Variants in SCP2 observed in about 807,000 individuals in gnomAD.
SCP2 encodes the protein sterol carrier protein 2.
In SCP2, 48 loss-of-function variants were observed where a neutral mutation model predicts 71.4. The observed-to-expected ratio is 0.67, with a 90% CI of 0.53 to 0.86. SCP2 has a LOEUF of 0.86. Among genes scored for constraint, SCP2 ranks in the 40% least tolerant of loss-of-function variants. The pLI, the probability that SCP2 is intolerant of heterozygous loss-of-function variation, is 0.00. For missense variants in SCP2, 560 were observed against 655.6 expected, an observed-to-expected ratio of 0.85 and a Z score of 1.59; for synonymous variants, 220 against 218.1, an observed-to-expected ratio of 1.01 and a Z score of -0.08.
At chr1:53,015,769 G>A (rs1661295648) in intron 12 of SCP2, among the ~76,000 whole-genome samples, 1 of 152,180 alleles carries the variant, frequency 6.6e-6, no homozygotes, top group South Asian at 2.1e-4. Flanking sequence ...TTCATGATGA[G>A]CCTTTTATGT....
At chr1:52,996,845 C>T (rs1259633717) in intron 11 of SCP2, among the ~76,000 whole-genome samples, 1 of 152,196 alleles carries the variant, frequency 6.6e-6, no homozygotes, top group Non-Finnish European at 1.5e-5. Flanking sequence ...TTGAGTCATT[C>T]CCCAGAGGGA....
At chr1:53,047,828 C>CT (rs1239170508) in intron 14 of SCP2, 30 bp from the exon 15 acceptor site, 3 of 1,491,452 alleles carry the variant, frequency 2.0e-6, no homozygotes, top group Non-Finnish European at 2.8e-6. Flanking sequence ...ACCTCCTATT[C>CT]TCCTTCCTTC....
At chr1:52,988,166 TA>T (rs762628353) in intron 11 of SCP2, 30 bp downstream of exon 11, 4 of 1,125,012 alleles carry the variant, frequency 3.6e-6, no homozygotes, top group African/African-American at 1.5e-5. Flanking sequence ...TCATACATTT[TA>T]AAATCATTTT....
chr1:52,983,187 C>T lies in SCP2; in HGVS notation c.973+2644C>T, dbSNP rs12063834. Among the ~76,000 whole-genome samples the T allele has an allele frequency of 5.9e-5, 9 of 152,270 alleles. No homozygotes were observed. In the South Asian group the frequency reaches 8.3e-4, roughly 14 times the overall value. On this transcript the variant is annotated intron_variant, in intron 10 of 15. Coordinates refer to ENST00000371514, the MANE Select transcript of SCP2 (RefSeq NM_002979.5). The stretch of plus-strand genomic sequence containing the variant: ...GTCTTCTGACCGCCATAGTTTCTAA[C>T]GAGGAGTCATGGTCATTCAAATTGT...
In SCP2 at chr1:53,021,532, C is replaced by T. The variant is rs1422604847; in HGVS notation, c.1236-6437C>T. ...GATGGGGTTTCCCATGTTGGCCAGG[C>T]TAGTCTTGAACTCCTGACCTCAAGT... is the stretch of plus-strand genomic sequence containing the variant. On this transcript the variant is annotated intron_variant, in intron 12 of 15. Transcript: ENST00000371514. Among the ~76,000 whole-genome samples, 5 of 149,238 alleles carry T rather than the reference C, an allele frequency of 3.4e-5. No individual in the cohort carries two copies. The East Asian group carries it at 1.0e-3, about 30-fold the overall frequency.
chr1:52,961,468 T>C, intron 5 of SCP2, 35 bp from the exon 6 acceptor site: 1 of 1,611,310 alleles, frequency 6.2e-7, no homozygotes. Flanking sequence ...ACTTATCATG[T>C]CAGCTGCTTA....
At chr1:52,989,816 G>T (rs906060184) in intron 11 of SCP2, among the ~76,000 whole-genome samples, 1 of 152,146 alleles carries the variant, frequency 6.6e-6, no homozygotes. Context: ...ATGTCCATAG[G>T]GGGCTTTGAA....
intron 10 of SCP2, among the ~76,000 whole-genome samples, chr1:52,984,628 C>T (rs1036877602): frequency 2.0e-5 from 3 of 151,670 alleles, no homozygotes; most frequent in Non-Finnish European, 2.9e-5. Context: ...ACCTCCGCTA[C>T]CTGGGTTCAA....
At chr1:52,993,054 A>G (rs192698380) in intron 11 of SCP2, 1 of 894,454 alleles carries the variant, frequency 1.1e-6, no homozygotes, top group Non-Finnish European at 1.8e-6. Flanking sequence ...CTTCACAGAA[A>G]GGACTAGCCA....
At chr1:52,957,451 A>C (rs1314864508) in intron 5 of SCP2, among the ~76,000 whole-genome samples, 2 of 152,244 alleles carry the variant, frequency 1.3e-5, no homozygotes, top group East Asian at 3.8e-4. Context: ...TTCCAAAATA[A>C]AACCTCAGCT....
At chr1:52,952,111 C>T (rs1655370066) in intron 4 of SCP2, among the ~76,000 whole-genome samples, 1 of 152,044 alleles carries the variant, frequency 6.6e-6, no homozygotes, top group Non-Finnish European at 1.5e-5. Context: ...AAACCCTGTA[C>T]CCATTAGCAT....
At chr1:53,002,972 A>G (rs1057331819) in intron 11 of SCP2, among the ~76,000 whole-genome samples, 4 of 152,232 alleles carry the variant, frequency 2.6e-5, no homozygotes, top group Admixed American at 6.5e-5. Flanking sequence ...GCAAGTCAGT[A>G]AGAGCTAATT....
chr1:52,960,706 T>C (rs953308101), intron 5 of SCP2, among the ~76,000 whole-genome samples: 6 of 145,102 alleles, frequency 4.1e-5, no homozygotes, highest in Non-Finnish European at 9.0e-5. Flanking sequence ...GTTGTGTGTA[T>C]ATATTATGTG....
chr1:52,972,982 T>A (rs1001806801), intron 6 of SCP2, among the ~76,000 whole-genome samples: 4 of 152,210 alleles, frequency 2.6e-5, no homozygotes, highest in African/African-American at 7.2e-5. Flanking sequence ...AACTGAGTGT[T>A]TAATTTATAT....
At chr1:53,048,456 A>G (rs890040663) in intron 15 of SCP2, 4 of 190,680 alleles carry the variant, frequency 2.1e-5, no homozygotes, top group Admixed American at 1.0e-4. Context: ...TAGCTCAGAT[A>G]TTATCTCCAA....
intron 1 of SCP2, among the ~76,000 whole-genome samples, chr1:52,929,191 G>GT (rs1383308427): frequency 1.6e-5 from 2 of 128,794 alleles, no homozygotes; most frequent in African/African-American, 6.5e-5. Context: ...AGACAACACT[G>GT]TAACACTTTT....
intron 5 of SCP2, among the ~76,000 whole-genome samples, chr1:52,957,097 A>C (rs536061386): frequency 6.3e-4 from 96 of 152,198 alleles, no homozygotes; most frequent in South Asian, 1.5e-3. Context: ...TTTAGCAGAG[A>C]TGGGGTTTCA....
At chr1:52,995,465 G>C (rs1176638363) in intron 11 of SCP2, 7 of 429,004 alleles carry the variant, frequency 1.6e-5, no homozygotes, top group South Asian at 1.4e-4. Context: ...GCTGACCTCC[G>C]CAAGTTGGCA....
At chr1:53,035,328 T>G (rs1457041072) in intron 13 of SCP2, among the ~76,000 whole-genome samples, 1 of 152,102 alleles carries the variant, frequency 6.6e-6, no homozygotes, top group East Asian at 1.9e-4. Context: ...GATGTGCTAT[T>G]AACAAAAACA....
Sources: allele counts gnomAD v4.1 joint callset (sites outside exome capture counted in the v4.1 genomes callset), GRCh38; gene constraint gnomAD v4.1.1; transcripts MANE v1.5; gene names NCBI Gene and HGNC (gene_info 2026-07-23, HGNC 2026-07-21).